The following PSEN1 variants were observed in gnomAD, a reference collection of about 807,000 sequenced individuals.
PSEN1 encodes the protein presenilin 1.
Under a neutral mutation model 53.5 loss-of-function variants are expected in PSEN1, and 15 were observed. The observed-to-expected ratio is 0.28, with a 90% CI of 0.19 to 0.43. PSEN1 has a LOEUF of 0.43. PSEN1 is among the 20% of genes least tolerant of loss of function. The probability of loss-of-function intolerance (pLI) is 1.00; values close to 1 mark genes in which losing one functional copy is unlikely to be tolerated. For missense variants in PSEN1, 387 were observed against 571.2 expected (o/e 0.68, Z 3.29); for synonymous variants, 208 against 209.8 (o/e 0.99, Z 0.08).
rs367826892 is a variant in PSEN1 at position 73,222,390 on chromosome 14, T to G, written c.*3101T>G. On this transcript the variant is annotated 3_prime_UTR_variant, in exon 12 of 12. Transcript: ENST00000324501. ...CAGATGATGTTTATTACTTGTTATT[T>G]ACGTGGCCTCAGACAGTGTATGTAT... 6.6e-6 allele frequency: 1 copy of G among 152,218 alleles called. No homozygotes were observed. The highest frequency in any genetic ancestry group is 2.4e-5 in the African/African-American group (1 of 41,454). The allele number at this position is 152,218 out of a possible 1,614,324, so 9.4% of individuals were successfully genotyped here.
intron 1 of PSEN1, among the ~76,000 whole-genome samples, chr14:73,145,142 C>T (rs758475342): frequency 4.0e-5 from 6 of 151,652 alleles, no homozygotes; most frequent in Non-Finnish European, 7.4e-5. Context: ...ATCTGTGTGC[C>T]TCAGCCTCCC....
intron 5 of PSEN1, among the ~76,000 whole-genome samples, chr14:73,179,484 G>A (rs963771616): frequency 3.3e-5 from 5 of 152,182 alleles, no homozygotes; most frequent in African/African-American, 9.7e-5. Context: ...AGGCATGGTG[G>A]TGGGCACCTG....
intron 3 of PSEN1, among the ~76,000 whole-genome samples, chr14:73,152,769 A>G (rs115909396): frequency 2.0e-5 from 3 of 152,118 alleles, no homozygotes; most frequent in Non-Finnish European, 2.9e-5. Context: ...TTCGCTGGGC[A>G]TGGTGGCTCA....
At chr14:73,156,263 G>A (rs564842245) in intron 3 of PSEN1, among the ~76,000 whole-genome samples, 5 of 152,082 alleles carry the variant, frequency 3.3e-5, no homozygotes, top group East Asian at 1.9e-4. Context: ...GGCTGAGGTC[G>A]GAGGATGACT....
chr14:73,217,037 G>A, intron 10 of PSEN1, 89 bp from the exon 11 acceptor site: 3 of 1,331,668 alleles, frequency 2.3e-6, no homozygotes, highest in Non-Finnish European at 3.2e-6. Flanking sequence ...CATTCATTGT[G>A]GGGTTGAGTA....
At chr14:73,149,821 A>G (rs770941176) in intron 3 of PSEN1, among the ~76,000 whole-genome samples, 1 of 152,234 alleles carries the variant, frequency 6.6e-6, no homozygotes, top group Non-Finnish European at 1.5e-5. Context: ...TTACAGTTCT[A>G]TATTGTTATA....
chr14:73,144,035 CTTTT>C (rs766901431), intron 1 of PSEN1, among the ~76,000 whole-genome samples: 2 of 59,490 alleles, frequency 3.4e-5, no homozygotes, highest in Non-Finnish European at 2.9e-5. Context: ...TATAGCTTAT[CTTTT>C]TTTTTTTTTT....
At chr14:73,204,093 G>C (rs1238909385) in intron 8 of PSEN1, among the ~76,000 whole-genome samples, 1 of 152,120 alleles carries the variant, frequency 6.6e-6, no homozygotes, top group Non-Finnish European at 1.5e-5. Flanking sequence ...CCGCCTCCTG[G>C]ATTCAAGCAA....
intron 3 of PSEN1, among the ~76,000 whole-genome samples, chr14:73,160,846 C>T (rs1448005986): frequency 8.7e-6 from 1 of 114,894 alleles, no homozygotes; most frequent in African/African-American, 3.4e-5. Context: ...CTCGCTCTGT[C>T]GCCCATCCTG....
rs921299124 is a variant in PSEN1 at position 73,193,737 on chromosome 14, A to G, written c.769+873A>G. 5.3e-5 allele frequency among the ~76,000 whole-genome samples: 8 copies of G among 151,884 alleles called. No homozygotes were observed. In the South Asian group the frequency reaches 1.5e-3, roughly 28 times the overall value. ...AGTGGCACAGTCATAGCTCACTGCA[A>G]CCTTGAACTCCCTGGCTCATGCGAT... is the stretch of plus-strand genomic sequence containing the variant. On this transcript the variant is annotated intron_variant, in intron 7 of 11. Coordinates refer to ENST00000324501, the MANE Select transcript of PSEN1 (RefSeq NM_000021.4).
chr14:73,144,576 T>G (rs901265962), intron 1 of PSEN1, among the ~76,000 whole-genome samples: 2 of 152,200 alleles, frequency 1.3e-5, no homozygotes, highest in African/African-American at 4.8e-5. Context: ...TAGTGTACTC[T>G]GTGAATTCCA....
At chr14:73,208,687 G>T in intron 9 of PSEN1, 1 of 379,256 alleles carries the variant, frequency 2.6e-6, no homozygotes, top group African/African-American at 2.1e-5. Context: ...TGGGTCCATG[G>T]GTGGCCATGA....
chr14:73,182,475 C>T (rs1239208975), intron 5 of PSEN1, among the ~76,000 whole-genome samples: 1 of 151,828 alleles, frequency 6.6e-6, no homozygotes, highest in East Asian at 1.9e-4. Context: ...CCAGCCTGGG[C>T]AACACAGTGA....
At chr14:73,213,548 A>T (rs1197683433) in intron 10 of PSEN1, among the ~76,000 whole-genome samples, 1 of 152,198 alleles carries the variant, frequency 6.6e-6, no homozygotes, top group African/African-American at 2.4e-5. Flanking sequence ...ACCATCTCTG[A>T]TGGTGTGAGC....
intron 10 of PSEN1, among the ~76,000 whole-genome samples, chr14:73,214,526 ATC>A (rs1899832048): frequency 7.0e-6 from 1 of 143,154 alleles, no homozygotes; most frequent in Admixed American, 6.8e-5. Flanking sequence ...GCGAAACTCC[ATC>A]TCAAAAAAAA....
intron 8 of PSEN1, among the ~76,000 whole-genome samples, chr14:73,204,623 G>A (rs1471687201): frequency 6.6e-6 from 1 of 151,588 alleles, no homozygotes; most frequent in Non-Finnish European, 1.5e-5. Flanking sequence ...GCTGGACATT[G>A]ATTTTCATGT....
At chr14:73,158,575 G>GC (rs1446138408) in intron 3 of PSEN1, among the ~76,000 whole-genome samples, 2 of 152,078 alleles carry the variant, frequency 1.3e-5, no homozygotes, top group South Asian at 2.1e-4. Flanking sequence ...ATCTGCCTCG[G>GC]CCCCCCAAAG....
intron 5 of PSEN1, among the ~76,000 whole-genome samples, chr14:73,184,554 G>T (rs1446909954): frequency 7.3e-6 from 1 of 137,592 alleles, no homozygotes; most frequent in Admixed American, 7.0e-5. Flanking sequence ...AGGGCGGCTG[G>T]CCTGGCAGAG....
intron 1 of PSEN1, among the ~76,000 whole-genome samples, chr14:73,138,884 G>T (rs1247788738): frequency 6.6e-6 from 1 of 151,252 alleles, no homozygotes; most frequent in East Asian, 2.0e-4. Flanking sequence ...GGAGAATGGC[G>T]TGAACCCGGG....
Sources: gnomAD v4.1 joint callset for allele counts (sites outside exome capture counted in the v4.1 genomes callset) on GRCh38, gnomAD v4.1.1 for gene constraint, MANE v1.5 for transcripts, NCBI Gene and HGNC (gene_info 2026-07-23, HGNC 2026-07-21) for gene names.